Variants in DMD observed in about 807,000 individuals in gnomAD.
The protein encoded by DMD is mutant dystrophin.
In DMD, 63 loss-of-function variants were observed where a neutral mutation model predicts 330.1. The ratio of observed to expected loss-of-function variants is 0.19; its 90% CI spans 0.16 to 0.24. DMD has a LOEUF of 0.24. DMD is among the 10% of genes least tolerant of loss of function. DMD has a pLI of 1.00. For missense variants in DMD, 3,344 were observed against 2,684.1 expected (o/e 1.25, Z -5.43); for synonymous variants, 1,223 against 959.8 (o/e 1.27, Z -5.07).
chrX:32,529,452 G>A (rs1290755448), intron 17 of DMD, among the ~76,000 whole-genome samples: 7 of 77,148 alleles, frequency 9.1e-5, no homozygotes, highest in Non-Finnish European at 1.4e-4. Flanking sequence ...AGGCTGGAGT[G>A]CAGTGGCACA....
At chrX:32,722,020 C>T (rs1325275215) in intron 7 of DMD, among the ~76,000 whole-genome samples, 2 of 109,466 alleles carry the variant, frequency 1.8e-5, no homozygotes, top group Non-Finnish European at 3.8e-5. Flanking sequence ...GTTTATGTGT[C>T]TGTTTTTATG....
At chrX:31,641,435 G>A (rs1344018969) in intron 54 of DMD, among the ~76,000 whole-genome samples, 1 of 105,912 alleles carries the variant, frequency 9.4e-6, no homozygotes, top group Non-Finnish European at 1.9e-5. Flanking sequence ...CCAGGAGGGA[G>A]AGGTTGCAGT....
chrX:32,500,111 C>T (rs965491004), intron 19 of DMD, among the ~76,000 whole-genome samples: 1 of 110,530 alleles, frequency 9.0e-6, no homozygotes, highest in African/African-American at 3.3e-5. Flanking sequence ...GTCAACCAAA[C>T]AGGAATGTCT....
intron 1 of DMD, among the ~76,000 whole-genome samples, chrX:33,227,595 A>G (rs780932676): frequency 9.0e-6 from 1 of 111,215 alleles, no homozygotes; most frequent in African/African-American, 3.3e-5. Context: ...AAAGGGGCCC[A>G]AAAGCTTAAG....
intron 29 of DMD, 77 bp downstream of exon 29, chrX:32,438,164 C>T (rs1331923267): frequency 9.4e-6 from 10 of 1,061,762 alleles, no homozygotes; most frequent in South Asian, 1.9e-5. Context: ...AACTATTGCT[C>T]ATTTTATCTG....
chrX:31,906,782 C>G (rs1389803781), intron 47 of DMD, among the ~76,000 whole-genome samples: 2 of 111,889 alleles, frequency 1.8e-5, no homozygotes, highest in African/African-American at 6.5e-5. Flanking sequence ...CCATTGGTTA[C>G]AGTAAATCCA....
At chrX:32,867,319 T>G (rs1303201882) in intron 2 of DMD, among the ~76,000 whole-genome samples, 1 of 112,046 alleles carries the variant, frequency 8.9e-6, no homozygotes, top group Non-Finnish European at 1.9e-5. Context: ...AAATAGTAAA[T>G]CAAAAATAGT....
chrX:33,329,027 A>G (rs774949736), intron 1 of DMD, among the ~76,000 whole-genome samples: 8 of 112,148 alleles, frequency 7.1e-5, no homozygotes, highest in Non-Finnish European at 1.5e-4. Flanking sequence ...GCACTTTTAT[A>G]TATTTGTGTT....
chrX:33,313,828 C>T (rs1346651224), intron 1 of DMD, among the ~76,000 whole-genome samples: 2 of 111,105 alleles, frequency 1.8e-5, no homozygotes, highest in African/African-American at 6.5e-5. Flanking sequence ...CTTTGTATAC[C>T]AAAACCTGTT....
chrX:33,038,379 TG>T (rs767137221), intron 1 of DMD, among the ~76,000 whole-genome samples: 101 of 112,372 alleles, frequency 9.0e-4, no homozygotes, highest in Non-Finnish European at 1.5e-3. Context: ...CTAATATGAA[TG>T]GAAGTGATTA....
At chrX:32,329,315 C>A (rs2097667262) in intron 41 of DMD, among the ~76,000 whole-genome samples, 1 of 112,157 alleles carries the variant, frequency 8.9e-6, no homozygotes, top group Non-Finnish European at 1.9e-5. Context: ...AGGCAGGCCA[C>A]CTGTGGAGAT....
chrX:32,826,902 C>G (rs1037839649), intron 4 of DMD, among the ~76,000 whole-genome samples: 1 of 110,764 alleles, frequency 9.0e-6, no homozygotes, highest in Non-Finnish European at 1.9e-5. Context: ...TAGCTTGAAG[C>G]ATTCCACAAC....
chrX:32,245,528 A>T (rs1190075290), intron 43 of DMD, among the ~76,000 whole-genome samples: 1 of 90,822 alleles, frequency 1.1e-5, no homozygotes, highest in African/African-American at 4.3e-5. Context: ...TGGGGATGGC[A>T]TTGAATCTGT....
At chrX:33,306,108 A>T (rs1048569394) in intron 1 of DMD, among the ~76,000 whole-genome samples, 5 of 111,837 alleles carry the variant, frequency 4.5e-5, no homozygotes, top group African/African-American at 1.6e-4. Flanking sequence ...GTAAGGCATG[A>T]CATGAAATTG....
intron 55 of DMD, among the ~76,000 whole-genome samples, chrX:31,525,962 T>C (rs755771768): frequency 8.9e-6 from 1 of 112,314 alleles, no homozygotes; most frequent in Admixed American, 9.5e-5. Flanking sequence ...TTGCTTACAC[T>C]CAGTTAGCCA....
chrX:31,592,019 G>A (rs2076898021), intron 55 of DMD, among the ~76,000 whole-genome samples: 1 of 110,459 alleles, frequency 9.1e-6, no homozygotes, highest in Non-Finnish European at 1.9e-5. Flanking sequence ...GTTATCCACT[G>A]CATATTCTCC....
intron 9 of DMD, among the ~76,000 whole-genome samples, chrX:32,647,289 T>C (rs1219033545): frequency 1.8e-5 from 2 of 111,921 alleles, no homozygotes; most frequent in African/African-American, 6.5e-5. Flanking sequence ...TCTGTCCTAT[T>C]TGCATATAGC....
chrX:31,341,881 G>A (rs765433149), intron 61 of DMD, among the ~76,000 whole-genome samples: 154 of 59,614 alleles, frequency 2.6e-3, no homozygotes, highest in African/African-American at 0.012. Flanking sequence ...GCGCGCGTGC[G>A]TGCGCGCGCG....
intron 1 of DMD, among the ~76,000 whole-genome samples, chrX:33,179,349 G>C (rs1210109736): frequency 2.7e-5 from 3 of 111,551 alleles, no homozygotes; most frequent in South Asian, 7.4e-4. Context: ...AACAGAAAAA[G>C]GAGGTCATTG....
Sources: gnomAD v4.1 joint callset for allele counts (sites outside exome capture counted in the v4.1 genomes callset) on GRCh38, gnomAD v4.1.1 for gene constraint, MANE v1.5 for transcripts, NCBI Gene and HGNC (gene_info 2026-07-23, HGNC 2026-07-21) for gene names.